The following FOXRED2 variants were observed in gnomAD, a reference collection of about 807,000 sequenced individuals.
FOXRED2 encodes FAD dependent oxidoreductase domain containing 2, also known as FAD-dependent oxidoreductase domain-containing protein 2.
FOXRED2 carries 32 observed loss-of-function variants against 52.5 expected under a neutral mutation model. The observed-to-expected ratio is 0.61, with a 90% CI of 0.46 to 0.82. The LOEUF is 0.82. FOXRED2 is among the 40% of genes least tolerant of loss of function. FOXRED2 has a pLI of 0.00. For missense variants in FOXRED2, 848 were observed against 937.5 expected, an observed-to-expected ratio of 0.90 and a Z score of 1.25; for synonymous variants, 405 against 398.1, an observed-to-expected ratio of 1.02 and a Z score of -0.21.
At position 36,498,020 on chromosome 22, in the gene FOXRED2, A is replaced by T; in HGVS notation, c.1353T>A (p.Gly451=). 6.2e-7 allele frequency: 1 copy of T among 1,614,112 alleles called. No homozygotes were observed. The highest frequency in any genetic ancestry group is 8.5e-7 in the Non-Finnish European group (1 of 1,180,026). ...TCAACAGGATGACATCGGCCAGCAC[A>T]CCGAACATCTGGTAGAGCCCAGAAG... The part of the protein sequence containing the change: ...NEASGLYQMF[G]VLADVILLKE... The change falls in exon 6 of 9, where the codon GGT becomes GGA. Residue 451 remains glycine, a synonymous_variant. Coordinates refer to ENST00000397224, the MANE Select transcript of FOXRED2 (RefSeq NM_001102371.2).
rs774019191 is a variant in FOXRED2 at position 36,496,227 on chromosome 22, G to T, written c.1383-19C>A. The T allele has an allele frequency of 6.2e-7, 1 of 1,612,450 alleles. No individual in the cohort carries two copies. ...GGAATTCCTGGGAGAACAGCAACGC[G>T]GGGGAGGCCCTCAGTGCTGTGGCAG... On this transcript the variant is annotated intron_variant, in intron 6 of 8. Coordinates refer to ENST00000397224, the MANE Select transcript of FOXRED2 (RefSeq NM_001102371.2).
Position 36,498,133 on chromosome 22 carries a change from C to T in FOXRED2, c.1240G>A (p.Glu414Lys), listed in dbSNP as rs1269946026. Residue 414 changes from glutamate (E) to lysine (K), a missense_variant, in exon 6 of 9, where the codon GAG (glutamate) becomes AAG (lysine). By Grantham distance (56) the Glu-to-Lys change is moderately conservative. Coordinates refer to ENST00000397224, the MANE Select transcript of FOXRED2 (RefSeq NM_001102371.2). ...CAGGTGACGCTGTGGTGGCGGTGCT[C>T]CAGGAGCCGGTGAACAGCACGCACT... Reference protein sequence around the residue: ...YTVRAVHRLLEHRHHSVTWPA... With the variant: ...YTVRAVHRLLKHRHHSVTWPA... 3.1e-6 allele frequency: 5 copies of T among 1,611,772 alleles called. No homozygotes were observed. The highest frequency in any genetic ancestry group is 4.2e-6 in the Non-Finnish European group (5 of 1,179,922).
chr22:36,506,214 G>C lies in FOXRED2; in HGVS notation c.209C>G (p.Thr70Arg). 2.5e-6 allele frequency: 4 copies of C among 1,614,098 alleles called. No homozygotes were observed. Among genetic ancestry groups the C allele is most frequent in the Non-Finnish European group, 3.4e-6 (4 of 1,179,980 alleles). The change falls in exon 2 of 9, where the codon ACA becomes AGA. Residue 70 changes from threonine to arginine, a missense_variant. Thr to Arg is a moderately conservative substitution (Grantham distance 71). Transcript: ENST00000397224. ...ERAPRPGSFFTRYPRHRKLIS... is the reference protein window; with the variant it reads ...ERAPRPGSFFRRYPRHRKLIS... ...GAGCTTGCGGTGCCGCGGGTAGCGT[G>C]TGAAGAAGCTGCCGGGCCGCGGGGC...
intron 8 of FOXRED2, among the ~76,000 whole-genome samples, chr22:36,490,920 C>A (rs969679928): frequency 6.6e-6 from 1 of 152,200 alleles, no homozygotes. Flanking sequence ...CTCTGGGAGG[C>A]CGAGGCCGGT....
rs1568994043 is a variant in FOXRED2, at chr22:36,506,184, C to A, written c.239G>T (p.Ser80Ile). 1 of 1,614,110 alleles carries A rather than the reference C, an allele frequency of 6.2e-7. No individual in the cohort carries two copies. Among genetic ancestry groups the A allele is most frequent in the African/African-American group, 1.3e-5 (1 of 74,950 alleles). ...TRYPRHRKLISINKRYTGKAN... is the reference protein window; with the variant it reads ...TRYPRHRKLIIINKRYTGKAN... ...CTTGCCCGTGTACCGCTTGTTGATG[C>A]TGATGAGCTTGCGGTGCCGCGGGTA... The change falls in exon 2 of 9, where the codon AGC (serine) becomes ATC (isoleucine). Residue 80 changes from serine to isoleucine, a missense_variant. Coordinates refer to ENST00000397224, the MANE Select transcript of FOXRED2 (RefSeq NM_001102371.2).
intron 6 of FOXRED2, among the ~76,000 whole-genome samples, 179 bp from the exon 7 acceptor site, chr22:36,496,387 G>C (rs1386818757): frequency 1.3e-5 from 2 of 152,356 alleles, no homozygotes; most frequent in South Asian, 4.1e-4. Context: ...ATGTGGGGTA[G>C]AGACCAGAAA....
chr22:36,495,852 A>C, intron 7 of FOXRED2, 115 bp downstream of exon 7: 4 of 1,188,684 alleles, frequency 3.4e-6, no homozygotes, highest in Non-Finnish European at 4.8e-6. Context: ...AGAGTCCCGC[A>C]GCCATCCCAC....
rs776927252 is a variant in FOXRED2 at position 36,498,012 on chromosome 22, G to A, written c.1361C>T (p.Ala454Val). Residue 454 changes from alanine to valine, a missense_variant, in exon 6 of 9, where the codon GCC becomes GTC. Transcript: ENST00000397224. ...TCACTCCTTCAACAGGATGACATCG[G>A]CCAGCACACCGAACATCTGGTAGAG... ...SGLYQMFGVL[A>V]DVILLKENST... is the part of the protein sequence containing the mutation. 6.2e-7 allele frequency: 1 copy of A among 1,613,992 alleles called. No individual in the cohort carries two copies. Among genetic ancestry groups the A allele is most frequent in the Non-Finnish European group, 8.5e-7 (1 of 1,179,980 alleles).
chr22:36,487,428 A>G lies in FOXRED2; in HGVS notation c.*2580T>C, dbSNP rs556954309. Reference sequence around the variant, plus strand: ...GAGTGGTGGGGTGAGAAGTTTAGACAGGAAAGATGGTTACGGACCAGGTGA... The same window carrying G: ...GAGTGGTGGGGTGAGAAGTTTAGACGGGAAAGATGGTTACGGACCAGGTGA... On this transcript the variant is annotated 3_prime_UTR_variant, in exon 9 of 9. Transcript: ENST00000397224. 1.4e-4 allele frequency: 22 copies of G among 152,424 alleles called. No homozygotes were observed. Among genetic ancestry groups the G allele is most frequent in the Admixed American group, 1.4e-3 (21 of 15,294 alleles). 9.4% of individuals were successfully genotyped at this position (152,424 alleles called of 1,614,324 possible). A position where few individuals can be genotyped will look rare whatever the true frequency, so the allele number is the denominator to read the frequency against.
intron 5 of FOXRED2, 129 bp downstream of exon 5, chr22:36,501,112 C>T: frequency 2.0e-6 from 2 of 976,214 alleles, no homozygotes; most frequent in South Asian, 3.2e-5. Context: ...TTCCCCAAGA[C>T]AATTTATGAC....
chr22:36,493,825 C>A, intron 7 of FOXRED2, 22 bp from the exon 8 acceptor site: 1 of 1,611,016 alleles, frequency 6.2e-7, no homozygotes, highest in Non-Finnish European at 8.5e-7. Flanking sequence ...AGAGAGGGGG[C>A]CATGTCAGAG....
In FOXRED2 at chr22:36,504,143, ACCCGGTCATAGGGCACGCGCATGG is replaced by A. The variant is rs775383901; in HGVS notation, c.980_1003del (p.Ala327_Arg334del). On this transcript the variant is annotated inframe_deletion, in exon 4 of 9. Transcript: ENST00000397224. ...AAAGTTCCAGCCCAGGCAGCGGATTACCCGGTCATAGGGCACGCGCATGGCAAAGTTGTCATTGTCGTCCTGGGG... is the reference window on the plus strand; with the variant it reads ...AAAGTTCCAGCCCAGGCAGCGGATTACAAAGTTGTCATTGTCGTCCTGGGG... The A allele has an allele frequency of 6.2e-7, 1 of 1,614,214 alleles. No homozygotes were observed. The highest frequency in any genetic ancestry group is 1.1e-5 in the South Asian group (1 of 91,090).
rs1485135004 is a variant in FOXRED2 at position 36,488,148 on chromosome 22, C to T, written c.*1860G>A. 1 of 151,432 alleles carries T rather than the reference C, an allele frequency of 6.6e-6. No homozygotes were observed. The highest frequency in any genetic ancestry group is 2.4e-5 in the African/African-American group (1 of 41,220). The allele number at this position is 151,432 out of a possible 1,614,324, so 9.4% of individuals were successfully genotyped here. A position where few individuals can be genotyped will look rare whatever the true frequency, so the allele number is the denominator to read the frequency against. ...GGACCAAGCCAAGAGGGGAAGAGGA[C>T]GTCCCCATGAAAGAGCTTTGGATCC... On this transcript the variant is annotated 3_prime_UTR_variant, in exon 9 of 9. Transcript: ENST00000397224.
chr22:36,499,732 G>A (rs964490296), intron 5 of FOXRED2, among the ~76,000 whole-genome samples: 9 of 152,128 alleles, frequency 5.9e-5, no homozygotes, highest in African/African-American at 1.4e-4. Context: ...ATGCCTCACT[G>A]AGTGAATTTC....
chr22:36,503,085 C>T lies in FOXRED2; in HGVS notation c.1049+1013G>A, dbSNP rs118150521. ...TTCACCACAGCCTCGACCTCCTGGG[C>T]TCAAGTAGTCCTCCCACCTTGGCCT... On this transcript the variant is annotated intron_variant, in intron 4 of 8. Coordinates refer to ENST00000397224, the MANE Select transcript of FOXRED2 (RefSeq NM_001102371.2). Among the ~76,000 whole-genome samples, 977 of 151,924 alleles carry T rather than the reference C, an allele frequency of 6.4e-3. 4 individuals are homozygous for T. Among genetic ancestry groups the T allele is most frequent in the Middle Eastern group, 0.027 (8 of 292 alleles).
At chr22:36,493,515 A>T in intron 8 of FOXRED2, 118 bp downstream of exon 8, 2 of 746,570 alleles carry the variant, frequency 2.7e-6, no homozygotes, top group South Asian at 3.9e-5. Flanking sequence ...TGTCGGGAAC[A>T]GTAGTCTGGG....
chr22:36,493,087 T>G (rs1933797818), intron 8 of FOXRED2, among the ~76,000 whole-genome samples: 1 of 152,198 alleles, frequency 6.6e-6, no homozygotes, highest in Non-Finnish European at 1.5e-5. Context: ...AGCTCTGTCT[T>G]CCCACCCATA....
chr22:36,501,446 T>C, intron 4 of FOXRED2, 39 bp from the exon 5 acceptor site: 2 of 1,596,074 alleles, frequency 1.3e-6, no homozygotes, highest in Middle Eastern at 1.7e-4. Flanking sequence ...ATAGCTGCTA[T>C]GTAAGAGGCA....
At chr22:36,499,501 C>G (rs1245481311) in intron 5 of FOXRED2, among the ~76,000 whole-genome samples, 1 of 152,098 alleles carries the variant, frequency 6.6e-6, no homozygotes, top group Non-Finnish European at 1.5e-5. Context: ...TGGTGCACGC[C>G]TGAAGTCCCA....
Sources: gnomAD v4.1 joint callset for allele counts (sites outside exome capture counted in the v4.1 genomes callset) on GRCh38, gnomAD v4.1.1 for gene constraint, MANE v1.5 for transcripts, NCBI Gene and HGNC (gene_info 2026-07-23, HGNC 2026-07-21) for gene names.